The following ARL15 variants were observed in gnomAD, a reference collection of about 807,000 sequenced individuals.
The protein encoded by ARL15 is ARF like GTPase 15.
Under a neutral mutation model 25.2 loss-of-function variants are expected in ARL15, and 19 were observed. The ratio of observed to expected loss-of-function variants is 0.75; its 90% confidence interval spans 0.53 to 1.10. ARL15 has a LOEUF of 1.10. ARL15 is among the 50% of genes least tolerant of loss of function. The pLI is 0.00. For synonymous variants in ARL15, 94 were observed against 86.8 expected, an observed-to-expected ratio of 1.08 and a Z score of -0.46; for missense variants, 220 against 246.0, an observed-to-expected ratio of 0.89 and a Z score of 0.71.
chr5:53,974,649 A>G lies in ARL15; in HGVS notation c.463-87936T>C, dbSNP rs1561172107. Among the ~76,000 whole-genome samples the G allele has an allele frequency of 2.0e-5, 3 of 152,364 alleles. No homozygotes were observed. The East Asian group carries it at 5.8e-4, about 29-fold the overall frequency. On this transcript the variant is annotated intron_variant, in intron 4 of 4. Coordinates refer to ENST00000504924, the MANE Select transcript of ARL15 (RefSeq NM_019087.3). ...ATCACTTGACAAATATTTAATAAAC[A>G]TGACATTGTTCTAATAGTTAACAAA...
intron 4 of ARL15, among the ~76,000 whole-genome samples, chr5:53,998,613 A>G (rs1748761272): frequency 6.6e-6 from 1 of 152,222 alleles, no homozygotes. Context: ...GCAAAAGAAT[A>G]AAAGTGGAAT....
intron 4 of ARL15, among the ~76,000 whole-genome samples, chr5:53,929,471 T>G (rs1746133182): frequency 6.6e-6 from 1 of 152,224 alleles, no homozygotes; most frequent in Non-Finnish European, 1.5e-5. Flanking sequence ...TATAATACTA[T>G]CATTTGTCCA....
intron 1 of ARL15, among the ~76,000 whole-genome samples, chr5:54,199,254 A>G (rs563753437): frequency 1.3e-5 from 2 of 152,302 alleles, no homozygotes; most frequent in Non-Finnish European, 2.9e-5. Flanking sequence ...CTTCATGTCT[A>G]GAACACCAAA....
chr5:54,297,011 G>A (rs1358380571), intron 1 of ARL15, among the ~76,000 whole-genome samples: 1 of 152,204 alleles, frequency 6.6e-6, no homozygotes, highest in African/African-American at 2.4e-5. Context: ...TATGAAAGAT[G>A]CTATTTCATC....
At chr5:54,049,099 C>T (rs1360930923) in intron 4 of ARL15, among the ~76,000 whole-genome samples, 1 of 151,982 alleles carries the variant, frequency 6.6e-6, no homozygotes, top group Non-Finnish European at 1.5e-5. Context: ...CTCTACCTTC[C>T]ATTCTGGGTA....
chr5:54,109,844 A>G (rs777081508), intron 4 of ARL15, among the ~76,000 whole-genome samples: 3 of 151,926 alleles, frequency 2.0e-5, no homozygotes, highest in Non-Finnish European at 4.4e-5. Context: ...CACCTCCCCA[A>G]AGTGAATACA....
chr5:54,255,136 G>C (rs1341582030), intron 1 of ARL15, among the ~76,000 whole-genome samples: 2 of 151,992 alleles, frequency 1.3e-5, no homozygotes, highest in Non-Finnish European at 2.9e-5. Flanking sequence ...TATGTTCCCA[G>C]GAAAAGCTAG....
At chr5:54,121,165 A>C (rs1243396247) in intron 3 of ARL15, among the ~76,000 whole-genome samples, 1 of 152,240 alleles carries the variant, frequency 6.6e-6, no homozygotes, top group African/African-American at 2.4e-5. Context: ...GTGACTAATC[A>C]GACCTCAAAA....
intron 3 of ARL15, among the ~76,000 whole-genome samples, chr5:54,120,324 TCA>T (rs1753033099): frequency 6.6e-6 from 1 of 152,202 alleles, no homozygotes; most frequent in Non-Finnish European, 1.5e-5. Flanking sequence ...CAATGAAACT[TCA>T]CTCTACTCAT....
chr5:54,182,835 T>G (rs1186473198), intron 1 of ARL15, among the ~76,000 whole-genome samples: 1 of 151,844 alleles, frequency 6.6e-6, no homozygotes, highest in Non-Finnish European at 1.5e-5. Flanking sequence ...TGAGCAGTGG[T>G]TTGTAGTTCT....
At chr5:54,243,264 T>C (rs1473047351) in intron 1 of ARL15, among the ~76,000 whole-genome samples, 2 of 152,218 alleles carry the variant, frequency 1.3e-5, no homozygotes, top group African/African-American at 2.4e-5. Flanking sequence ...AAAGAATTCC[T>C]GAAAATATGC....
chr5:54,130,677 A>G (rs1753400296), intron 3 of ARL15, among the ~76,000 whole-genome samples: 1 of 152,226 alleles, frequency 6.6e-6, no homozygotes, highest in Non-Finnish European at 1.5e-5. Context: ...CATAAAATCA[A>G]AAACAAGTAG....
At chr5:54,092,297 T>C (rs547409805) in intron 4 of ARL15, among the ~76,000 whole-genome samples, 6 of 152,244 alleles carry the variant, frequency 3.9e-5, no homozygotes, top group African/African-American at 1.4e-4. Flanking sequence ...TGTTTTATTC[T>C]AAAGAGTACA....
chr5:54,038,346 T>C (rs1750234744), intron 4 of ARL15, among the ~76,000 whole-genome samples: 1 of 152,124 alleles, frequency 6.6e-6, no homozygotes, highest in Admixed American at 6.5e-5. Context: ...TATAAGGAGA[T>C]TTATTTTAAA....
chr5:54,266,309 G>A (rs1210086712), intron 1 of ARL15, among the ~76,000 whole-genome samples: 1 of 152,178 alleles, frequency 6.6e-6, no homozygotes, highest in Non-Finnish European at 1.5e-5. Flanking sequence ...AGATGACCTT[G>A]GGACCAGCTT....
At chr5:53,914,674 A>G (rs1176350954) in intron 4 of ARL15, among the ~76,000 whole-genome samples, 1 of 152,264 alleles carries the variant, frequency 6.6e-6, no homozygotes, top group African/African-American at 2.4e-5. Flanking sequence ...ATCTGGAGCA[A>G]GGTCTGAAGT....
intron 2 of ARL15, among the ~76,000 whole-genome samples, chr5:54,166,789 AG>A (rs1754586539): frequency 6.6e-6 from 1 of 152,140 alleles, no homozygotes; most frequent in African/African-American, 2.4e-5. Context: ...TATTTACATC[AG>A]TTCTGGGTCA....
chr5:53,996,233 G>A (rs1243134016), intron 4 of ARL15, among the ~76,000 whole-genome samples: 7 of 152,192 alleles, frequency 4.6e-5, no homozygotes, highest in African/African-American at 1.2e-4. Flanking sequence ...TGTCTCCTGG[G>A]ACTAATCTGA....
At chr5:53,902,978 A>C (rs181258150) in intron 4 of ARL15, among the ~76,000 whole-genome samples, 79 of 152,294 alleles carry the variant, frequency 5.2e-4, no homozygotes, top group African/African-American at 1.8e-3. Context: ...CAGTCACGGG[A>C]AGGGAATTTC....
Sources: gnomAD v4.1 joint callset for allele counts (sites outside exome capture counted in the v4.1 genomes callset) on GRCh38, gnomAD v4.1.1 for gene constraint, MANE v1.5 for transcripts, NCBI Gene and HGNC (gene_info 2026-07-23, HGNC 2026-07-21) for gene names.